CLDN19: variants seen among roughly 807,000 people sequenced by gnomAD.
CLDN19 encodes the protein claudin-19.
CLDN19 carries 19 observed loss-of-function variants against 24.5 expected under a neutral mutation model. That is an observed-to-expected ratio of 0.78 (90% CI 0.54 to 1.14). The LOEUF (loss-of-function observed/expected upper bound fraction) is 1.14, where lower values mean the gene tolerates loss of function less well. Ranked by LOEUF, CLDN19 falls within the 50% of genes most tolerant of loss-of-function variation. The pLI, the probability that CLDN19 is intolerant of heterozygous loss-of-function variation, is 0.00. For synonymous variants in CLDN19, 117 were observed against 129.6 expected, an observed-to-expected ratio of 0.90 and a Z score of 0.66; for missense variants, 250 against 295.9, an observed-to-expected ratio of 0.84 and a Z score of 1.14.
intron 3 of CLDN19, among the ~76,000 whole-genome samples, chr1:42,736,429 G>A (rs1301940072): frequency 2.0e-5 from 3 of 152,268 alleles, no homozygotes; most frequent in Non-Finnish European, 2.9e-5. Context: ...AGCCAAGACT[G>A]CTCCCGCTGC....
rs1439229751 is a variant in CLDN19 at position 42,739,882 on chromosome 1, T to G, written c.182A>C (p.Gln61Pro). The change falls in exon 1 of 5, where the codon CAA becomes CCA. Residue 61 changes from glutamine (Q) to proline (P), a missense_variant. Transcript: ENST00000296387. The stretch of plus-strand genomic sequence containing the variant: ...CGAGTCGTAGAGCTTGCACTGCACT[T>G]GCCCAGTGCTCTGGGAGGCGCAGGA... ...WMSCASQSTG[Q>P]VQCKLYDSLL... 7 of 1,613,108 alleles carry G rather than the reference T, an allele frequency of 4.3e-6. No homozygotes were observed. Among genetic ancestry groups the G allele is most frequent in the Non-Finnish European group, 5.9e-6 (7 of 1,179,860 alleles).
chr1:42,734,949 A>G lies in CLDN19; in HGVS notation c.*137T>C. The G allele has an allele frequency of 1.3e-6, 1 of 743,498 alleles. No homozygotes were observed. The highest frequency in any genetic ancestry group is 2.3e-6 in the Non-Finnish European group (1 of 426,720). 46.1% of individuals were successfully genotyped at this position (743,498 alleles called of 1,614,324 possible). The stretch of plus-strand genomic sequence containing the variant: ...GGGTCAGCACTGACCACTCTGACAC[A>G]GGCCCCGTCCAAGCCACGCTGAGGA... On this transcript the variant is annotated 3_prime_UTR_variant, in exon 5 of 5. Coordinates refer to ENST00000296387, the MANE Select transcript of CLDN19 (RefSeq NM_148960.3).
chr1:42,738,183 T>A, intron 3 of CLDN19, 46 bp downstream of exon 3: 1 of 1,436,180 alleles, frequency 7.0e-7, no homozygotes, highest in Non-Finnish European at 9.8e-7. Flanking sequence ...CAAAGGTCAG[T>A]GGCCCCAGAG....
intron 2 of CLDN19, 44 bp downstream of exon 2, chr1:42,738,377 C>A (rs1651439483): frequency 1.2e-6 from 2 of 1,613,398 alleles, no homozygotes; most frequent in Non-Finnish European, 1.7e-6. Flanking sequence ...GGGGCTGGGG[C>A]TGCCTGCCAT....
chr1:42,735,771 T>C lies in CLDN19; in HGVS notation c.626+107A>G, dbSNP rs565025655. The C allele has an allele frequency of 8.5e-6, 13 of 1,532,386 alleles. No individual in the cohort carries two copies. The African/African-American group carries it at 1.6e-4, about 19-fold the overall frequency. The allele number at this position is 1,532,386 out of a possible 1,614,324, so 94.9% of individuals were successfully genotyped here. ...AAGCTGCTCAGAGCACCTATGCCCATCCTATGCCCCAGTGGCCCTGCCCAG... is the reference window on the plus strand; with the variant it reads ...AAGCTGCTCAGAGCACCTATGCCCACCCTATGCCCCAGTGGCCCTGCCCAG... On this transcript the variant is annotated intron_variant, in intron 4 of 4. Transcript: ENST00000296387.
chr1:42,737,806 C>T lies in CLDN19; in HGVS notation c.473+423G>A, dbSNP rs143064374. On this transcript the variant is annotated intron_variant, in intron 3 of 4. Transcript: ENST00000296387. ...CAAGCTATTCTCCTGCCTCTGCCTCCCGAGTAGCTGAGATTACAGGCGCCC... is the reference window on the plus strand; with the variant it reads ...CAAGCTATTCTCCTGCCTCTGCCTCTCGAGTAGCTGAGATTACAGGCGCCC... 6.9e-4 allele frequency among the ~76,000 whole-genome samples: 105 copies of T among 152,324 alleles called. 1 individual carries two copies. In the East Asian group the frequency reaches 0.015, roughly 22 times the overall value.
chr1:42,739,714 G>C (rs552341573), intron 1 of CLDN19, 127 bp downstream of exon 1: 43 of 809,156 alleles, frequency 5.3e-5, no homozygotes, highest in Non-Finnish European at 8.6e-5. Context: ...GGGCAGTAGT[G>C]GGGGAATTGT....
chr1:42,735,956 C>A lies in CLDN19; in HGVS notation c.548G>T (p.Cys183Phe). ...GLAVLGGSFL[C>F]CTCPEPERPN... ...TCTCTCTGGCTCCGGGCATGTGCAG[C>A]AGAGGAAGGAGCCGCCCAGCACGGC... The change falls in exon 4 of 5, where the codon TGC becomes TTC. Residue 183 changes from cysteine (C) to phenylalanine (F), a missense_variant. Coordinates refer to ENST00000296387, the MANE Select transcript of CLDN19 (RefSeq NM_148960.3). 1 of 1,577,428 alleles carries A rather than the reference C, an allele frequency of 6.3e-7. No individual in the cohort carries two copies. The highest frequency in any genetic ancestry group is 8.6e-7 in the Non-Finnish European group (1 of 1,161,850).
rs779246616 is a variant in CLDN19, at chr1:42,738,269, T to C, written c.433A>G (p.Thr145Ala). ...GTGCTTGGGTTGAAGAACTCCTGGGTCACCAGGGTGGCATACCACGAGACA... is the reference window on the plus strand; with the variant it reads ...GTGCTTGGGTTGAAGAACTCCTGGGCCACCAGGGTGGCATACCACGAGACA... ...TAVSWYATLV[T>A]QEFFNPSTPV... The change falls in exon 3 of 5, where the codon ACC becomes GCC. Residue 145 changes from threonine (T) to alanine (A), a missense_variant. Coordinates refer to ENST00000296387, the MANE Select transcript of CLDN19 (RefSeq NM_148960.3). 4 of 1,613,688 alleles carry C rather than the reference T, an allele frequency of 2.5e-6. No homozygotes were observed. Among genetic ancestry groups the C allele is most frequent in the Non-Finnish European group, 3.4e-6 (4 of 1,180,016 alleles).
chr1:42,735,695 T>C, intron 4 of CLDN19, 183 bp downstream of exon 4: 1 of 1,451,510 alleles, frequency 6.9e-7, no homozygotes, highest in Non-Finnish European at 9.1e-7. Context: ...CTCTGGTGTC[T>C]CTCTGAGGAT....
At chr1:42,736,918 C>T (rs975969870) in intron 3 of CLDN19, among the ~76,000 whole-genome samples, 1 of 152,188 alleles carries the variant, frequency 6.6e-6, no homozygotes, top group Admixed American at 6.5e-5. Context: ...TGGCTGCAGC[C>T]ACCACCCAGG....
intron 4 of CLDN19, chr1:42,735,338 C>A: frequency 2.1e-6 from 3 of 1,455,456 alleles, no homozygotes; most frequent in Non-Finnish European, 2.7e-6. Flanking sequence ...CAGCCCTGGG[C>A]GCACTGGAAG....
intron 1 of CLDN19, among the ~76,000 whole-genome samples, chr1:42,739,222 T>C (rs1014373910): frequency 6.6e-6 from 1 of 152,106 alleles, no homozygotes; most frequent in Non-Finnish European, 1.5e-5. Flanking sequence ...GGGGAGCAGA[T>C]TGTCCCTGGG....
Position 42,738,402 on chromosome 1 carries a change from A to T in CLDN19, c.388+19T>A, listed in dbSNP as rs1214951587. On this transcript the variant is annotated intron_variant, in intron 2 of 4. Transcript: ENST00000296387. ...CTGCCTGCCATGGTTGTGATTGTGC[A>T]GGAGTGAGGGGCACTCACCTGCCAG... The T allele has an allele frequency of 3.7e-6, 6 of 1,613,770 alleles. No homozygotes were observed. The highest frequency in any genetic ancestry group is 5.1e-6 in the Non-Finnish European group (6 of 1,180,028).
intron 1 of CLDN19, among the ~76,000 whole-genome samples, chr1:42,739,313 C>G (rs1029756250): frequency 3.3e-5 from 5 of 152,210 alleles, no homozygotes; most frequent in Non-Finnish European, 7.3e-5. Flanking sequence ...CATCTCCACA[C>G]CCCAGAAGGA....
At chr1:42,739,096 TG>T (rs1399862617) in intron 1 of CLDN19, among the ~76,000 whole-genome samples, 1 of 152,158 alleles carries the variant, frequency 6.6e-6, no homozygotes, top group Non-Finnish European at 1.5e-5. Context: ...TCCTGGGCCC[TG>T]GGGGGTGCTC....
Position 42,740,218 on chromosome 1 carries a change from C to T in CLDN19, c.-155G>A, listed in dbSNP as rs1038078008. 30 of 688,084 alleles carry T rather than the reference C, an allele frequency of 4.4e-5. No individual in the cohort carries two copies. The Admixed American group carries it at 5.4e-4, about 12-fold the overall frequency. The allele number at this position is 688,084 out of a possible 1,614,324, so 42.6% of individuals were successfully genotyped here. ...AGAAGGAGAGGTGGTGCGGCGGCAGCGGCTGGAGCAAAGGCAGTGGCTCTG... is the reference window on the plus strand; with the variant it reads ...AGAAGGAGAGGTGGTGCGGCGGCAGTGGCTGGAGCAAAGGCAGTGGCTCTG... On this transcript the variant is annotated 5_prime_UTR_variant, in exon 1 of 5. Coordinates refer to ENST00000296387, the MANE Select transcript of CLDN19 (RefSeq NM_148960.3).
Position 42,738,237 on chromosome 1 carries a change from G to T in CLDN19, c.465C>A (p.Val155=). The change falls in exon 3 of 5, where the codon GTC becomes GTA. Residue 155 remains valine (V), a synonymous_variant. Coordinates refer to ENST00000296387, the MANE Select transcript of CLDN19 (RefSeq NM_148960.3). ...CAAGCCCTGGCACCCACCTGGCATT[G>T]ACAGGTGTGCTTGGGTTGAAGAACT... is the stretch of plus-strand genomic sequence containing the variant. ...TQEFFNPSTP[V]NARYEFGPAL... 1 of 1,613,520 alleles carries T rather than the reference G, an allele frequency of 6.2e-7. No individual in the cohort carries two copies. Among genetic ancestry groups the T allele is most frequent in the South Asian group, 1.1e-5 (1 of 91,040 alleles).
rs1651295905 is a variant in CLDN19, at chr1:42,734,682, C to T, written c.*404G>A. On this transcript the variant is annotated 3_prime_UTR_variant, in exon 5 of 5. Coordinates refer to ENST00000296387, the MANE Select transcript of CLDN19 (RefSeq NM_148960.3). ...TTTACTACCTTGGGGCCTCTTTCCA[C>T]ACCAGGGGCTCCCTGACCCTGGGGA... 1 of 196,490 alleles carries T rather than the reference C, an allele frequency of 5.1e-6. No individual in the cohort carries two copies. The highest frequency in any genetic ancestry group is 1.1e-5 in the Non-Finnish European group (1 of 94,168). The allele number at this position is 196,490 out of a possible 1,614,324, so 12.2% of individuals were successfully genotyped here.
Sources: allele counts gnomAD v4.1 joint callset (sites outside exome capture counted in the v4.1 genomes callset), GRCh38; gene constraint gnomAD v4.1.1; transcripts MANE v1.5; gene names NCBI Gene and HGNC (gene_info 2026-07-23, HGNC 2026-07-21).